Variants in CRNKL1 observed in about 807,000 individuals in gnomAD.
CRNKL1 encodes the protein crooked neck-like protein 1.
CRNKL1 carries 35 observed loss-of-function variants against 103.7 expected under a neutral mutation model. That is an observed-to-expected ratio of 0.34 (90% CI 0.26 to 0.45). The LOEUF (loss-of-function observed/expected upper bound fraction) is 0.45, where lower values mean the gene tolerates loss of function less well. Ranked by LOEUF, CRNKL1 falls within the 20% of genes least tolerant of loss-of-function variation. The pLI is 1.00. For synonymous variants in CRNKL1, 267 were observed against 282.6 expected (o/e 0.94, Z 0.55); for missense variants, 645 against 836.0 (o/e 0.77, Z 2.82).
At chr20:20,054,540 T>C (rs1011625999), upstream of CRNKL1, among the ~76,000 whole-genome samples, 4 of 152,188 alleles carry the variant, frequency 2.6e-5, no homozygotes, top group Non-Finnish European at 5.9e-5. Flanking sequence ...CAACTTTCAG[T>C]GTATGTAAGT....
At chr20:20,038,652 A>G (rs2043461662) in intron 11 of CRNKL1, 1 of 446,760 alleles carries the variant, frequency 2.2e-6, no homozygotes, top group Non-Finnish European at 3.9e-6. Context: ...AGATTACAGA[A>G]AAAGGGCCTT....
In CRNKL1 at chr20:20,043,551, G is replaced by C; in HGVS notation, c.913C>G (p.Arg305Gly). 1 of 1,613,940 alleles carries C rather than the reference G, an allele frequency of 6.2e-7. No individual in the cohort carries two copies. Residue 305 changes from arginine (R) to glycine (G), a missense_variant, in exon 7 of 14, where the codon CGG (arginine) becomes GGG (glycine). By Grantham distance (125) the Arg-to-Gly change is moderately radical (BLOSUM62 -2). This residue lies in a region of CRNKL1 where 582 missense variants were observed against 707.7 expected (regional missense o/e 0.82). Transcript: ENST00000536226. ...TIFEKKFGDRRGIEDIIVSKR... is the reference protein window; with the variant it reads ...TIFEKKFGDRGGIEDIIVSKR... ...CTCACAATGATATCTTCAATACCCC[G>C]CCTATCACCAAACTTCTTCTCAAAG...
intron 4 of CRNKL1, 143 bp from the exon 5 acceptor site, chr20:20,048,074 C>G: frequency 1.7e-6 from 2 of 1,151,662 alleles, no homozygotes; most frequent in South Asian, 1.7e-5. Flanking sequence ...AAGGATGAAC[C>G]ATTGGAAAAA....
Position 20,050,601 on chromosome 20 carries a change from C to T in CRNKL1, c.73G>A (p.Glu25Lys). 1 of 1,605,400 alleles carries T rather than the reference C, an allele frequency of 6.2e-7. No homozygotes were observed. The highest frequency in any genetic ancestry group is 8.5e-7 in the Non-Finnish European group (1 of 1,177,634). The stretch of plus-strand genomic sequence containing the variant: ...AGTTGTTCAGCAGTTATCTGTACCT[C>T]AGCCGGGGCTTTGTTTTTCACCTTT... The part of the protein sequence containing the change: ...VAKVKNKAPA[E>K]VQITAEQLLR... The change falls in exon 2 of 14, where the codon GAG (glutamate) becomes AAG (lysine). Residue 25 changes from glutamate (E) to lysine (K), a missense_variant. Physicochemically the swap from Glu to Lys is moderately conservative, Grantham distance 56. Around this residue, in one of 2 missense-constraint regions of CRNKL1, gnomAD observed 63 missense variants for 128.3 expected, o/e 0.49. Transcript: ENST00000536226.
chr20:20,041,673 A>G, intron 8 of CRNKL1, 48 bp from the exon 9 acceptor site: 4 of 1,389,700 alleles, frequency 2.9e-6, no homozygotes, highest in Non-Finnish European at 4.1e-6. Flanking sequence ...TCTGCTGCTA[A>G]CACTCATTTT....
At chr20:20,046,712 C>A (rs909945559) in intron 5 of CRNKL1, among the ~76,000 whole-genome samples, 5 of 152,214 alleles carry the variant, frequency 3.3e-5, no homozygotes, top group African/African-American at 1.2e-4. Context: ...AACTCCCCGA[C>A]TGGCCCCAGA....
Position 20,048,261 on chromosome 20 carries a change from T to C in CRNKL1, c.455+82A>G, listed in dbSNP as rs141842472. On this transcript the variant is annotated intron_variant, in intron 4 of 13. Transcript: ENST00000536226. ...AAAAGTAGGATATCAAATTAAACTA[T>C]CATCATGTAAATAAAATAAATACAG... 1.8e-3 allele frequency: 2,713 copies of C among 1,470,106 alleles called. 7 individuals carry two copies. Among genetic ancestry groups the C allele is most frequent in the Non-Finnish European group, 2.3e-3 (2,476 of 1,065,178 alleles). The allele number at this position is 1,470,106 out of a possible 1,614,324, so 91.1% of individuals were successfully genotyped here. A position where few individuals can be genotyped will look rare whatever the true frequency, so the allele number is the denominator to read the frequency against.
chr20:20,036,078 C>G lies in CRNKL1; in HGVS notation c.*117G>C. 9.6e-7 allele frequency: 1 copy of G among 1,037,220 alleles called. No homozygotes were observed. The highest frequency in any genetic ancestry group is 1.8e-5 in the South Asian group (1 of 56,294). 64.3% of individuals were successfully genotyped at this position (1,037,220 alleles called of 1,614,324 possible). On this transcript the variant is annotated 3_prime_UTR_variant, in exon 14 of 14. Transcript: ENST00000536226. ...TTTAAAAAATAACTTAAAAAGTAGC[C>G]ATCAAAGATACCAATCAATTTCTTA...
At position 20,052,319 on chromosome 20, in the gene CRNKL1, C is replaced by G. The variant is rs749766098; in HGVS notation, c.24G>C (p.Gly8=). ...TGGCCACTTTGGGAATCCGCTGCTT[C>G]CCGGCCGCGGTGGAGGCCGCCATGT... MAASTAA[G]KQRIPKVAKV... The change falls in exon 1 of 14, where the codon GGG becomes GGC. Residue 8 remains glycine, a synonymous_variant. Transcript: ENST00000536226. 3 of 1,612,206 alleles carry G rather than the reference C, an allele frequency of 1.9e-6. No individual in the cohort carries two copies. The African/African-American group carries it at 4.0e-5, about 22-fold the overall frequency.
upstream of CRNKL1, among the ~76,000 whole-genome samples, chr20:20,055,483 A>T (rs2044241845): frequency 6.6e-6 from 1 of 152,046 alleles, no homozygotes; most frequent in Non-Finnish European, 1.5e-5. Flanking sequence ...TTTAATTTTT[A>T]ATTCTCTGTT....
chr20:20,046,707 C>T (rs563685958), intron 5 of CRNKL1, among the ~76,000 whole-genome samples: 29 of 152,256 alleles, frequency 1.9e-4, no homozygotes, highest in African/African-American at 6.5e-4. Flanking sequence ...ATTCAAACTC[C>T]CCGACTGGCC....
rs2043395283 is a variant in CRNKL1 at position 20,034,902 on chromosome 20, G to A, written c.*1293C>T. On this transcript the variant is annotated 3_prime_UTR_variant, in exon 14 of 14. Coordinates refer to ENST00000536226, the MANE Select transcript of CRNKL1 (RefSeq NM_001278628.2). ...TTTAATAATAAATTTGCTTACTAAA[G>A]GTCCTTTTAGGGGAAAACAACCTTA... is the stretch of plus-strand genomic sequence containing the variant. 6.6e-6 allele frequency: 1 copy of A among 152,154 alleles called. No homozygotes were observed. Among genetic ancestry groups the A allele is most frequent in the Admixed American group, 6.5e-5 (1 of 15,284 alleles). 9.4% of individuals were successfully genotyped at this position (152,154 alleles called of 1,614,324 possible).
chr20:20,042,213 A>C, intron 8 of CRNKL1, 112 bp downstream of exon 8: 2 of 995,284 alleles, frequency 2.0e-6, no homozygotes, highest in South Asian at 2.1e-5. Flanking sequence ...GCCTATAAAA[A>C]TTTAAAACTA....
At chr20:20,052,641 G>C (rs2043817306), upstream of CRNKL1, 1 of 1,613,404 alleles carries the variant, frequency 6.2e-7, no homozygotes, top group Admixed American at 1.7e-5. Context: ...GCGGTGCAGG[G>C]CGTCCAGGGC....
At chr20:20,039,011 C>G (rs2043468461) in intron 11 of CRNKL1, among the ~76,000 whole-genome samples, 1 of 152,198 alleles carries the variant, frequency 6.6e-6, no homozygotes, top group Non-Finnish European at 1.5e-5. Context: ...ACCCAAAGCC[C>G]TGCCTTAATT....
At position 20,034,798 on chromosome 20, in the gene CRNKL1, G is replaced by GTT. The variant is rs1601137415; in HGVS notation, c.*1395_*1396dup. 1 of 152,292 alleles carries GTT rather than the reference G, an allele frequency of 6.6e-6. No individual in the cohort carries two copies. Among genetic ancestry groups the GTT allele is most frequent in the Admixed American group, 6.5e-5 (1 of 15,298 alleles). The allele number at this position is 152,292 out of a possible 1,614,324, so 9.4% of individuals were successfully genotyped here. A position where few individuals can be genotyped will look rare whatever the true frequency, so the allele number is the denominator to read the frequency against. On this transcript the variant is annotated 3_prime_UTR_variant, in exon 14 of 14. Transcript: ENST00000536226. Reference sequence around the variant, plus strand: ...CTAGTTTCTTCTGTCCTCAAACACTGTTATTTATTTTCAAGATAAAATTTA... The same window carrying GTT: ...CTAGTTTCTTCTGTCCTCAAACACTGTTTTATTTATTTTCAAGATAAAATTTA...
intron 1 of CRNKL1, 110 bp from the exon 2 acceptor site, chr20:20,050,732 G>T: frequency 1.1e-6 from 1 of 929,378 alleles, no homozygotes; most frequent in Non-Finnish European, 1.5e-6. Context: ...ATCACAAGAT[G>T]CCCTTTTTGT....
At chr20:20,049,079 C>A (rs1341766613) in intron 3 of CRNKL1, among the ~76,000 whole-genome samples, 2 of 147,736 alleles carry the variant, frequency 1.4e-5, no homozygotes, top group Non-Finnish European at 3.0e-5. Context: ...TCAATATATA[C>A]AAAGCAAATG....
chr20:20,053,777 A>G (rs2043980892), upstream of CRNKL1, among the ~76,000 whole-genome samples: 1 of 152,180 alleles, frequency 6.6e-6, no homozygotes, highest in African/African-American at 2.4e-5. Flanking sequence ...TATCACTTTC[A>G]TAAAGCCACC....
Sources: gnomAD v4.1 joint callset for allele counts (sites outside exome capture counted in the v4.1 genomes callset) on GRCh38, gnomAD v4.1.1 for gene constraint, gnomAD v4.1.1 regional missense constraint, MANE v1.5 for transcripts, NCBI Gene and HGNC (gene_info 2026-07-23, HGNC 2026-07-21) for gene names.